The following ZBTB20 variants were observed in gnomAD, a reference collection of about 807,000 sequenced individuals.
ZBTB20 encodes zinc finger and BTB domain-containing protein 20.
ZBTB20 carries 9 observed loss-of-function variants against 56.9 expected under a neutral mutation model. The ratio of observed to expected loss-of-function variants is 0.16; its 90% CI spans 0.10 to 0.28. The LOEUF is 0.28. Ranked by LOEUF, ZBTB20 falls within the 10% of genes least tolerant of loss-of-function variation. The pLI is 1.00. For synonymous variants in ZBTB20, 417 were observed against 420.7 expected (o/e 0.99, Z 0.11); for missense variants, 655 against 1,003.0 (o/e 0.65, Z 4.69).
intron 10 of ZBTB20, among the ~76,000 whole-genome samples, chr3:114,373,822 A>G (rs968449428): frequency 3.3e-5 from 5 of 152,238 alleles, no homozygotes; most frequent in African/African-American, 9.6e-5. Context: ...GAATGAATGA[A>G]TAAGAACGAC....
At chr3:114,895,887 A>G (rs1374816099) in intron 4 of ZBTB20, among the ~76,000 whole-genome samples, 1 of 152,166 alleles carries the variant, frequency 6.6e-6, no homozygotes, top group East Asian at 1.9e-4. Context: ...AACCTCGATG[A>G]GGTCGCACAG....
intron 4 of ZBTB20, among the ~76,000 whole-genome samples, chr3:114,815,411 T>C (rs2072845934): frequency 6.6e-6 from 1 of 152,078 alleles, no homozygotes; most frequent in Non-Finnish European, 1.5e-5. Context: ...ACAGAGACAA[T>C]AAACCACTAC....
chr3:114,392,458 G>C (rs1367087141), intron 7 of ZBTB20, among the ~76,000 whole-genome samples: 1 of 152,020 alleles, frequency 6.6e-6, no homozygotes, highest in Non-Finnish European at 1.5e-5. Flanking sequence ...AATACCACTG[G>C]GGTGATAAAC....
At chr3:114,511,149 G>C (rs2045334596) in intron 6 of ZBTB20, among the ~76,000 whole-genome samples, 1 of 150,978 alleles carries the variant, frequency 6.6e-6, no homozygotes, top group South Asian at 2.1e-4. Flanking sequence ...ATAGTATAGA[G>C]TGGTTTTTGT....
intron 10 of ZBTB20, among the ~76,000 whole-genome samples, chr3:114,353,317 G>T (rs561339934): frequency 3.5e-4 from 54 of 152,244 alleles, no homozygotes; most frequent in Non-Finnish European, 5.4e-4. Context: ...AACTCTTTCC[G>T]CTCTACCTTG....
intron 5 of ZBTB20, among the ~76,000 whole-genome samples, chr3:114,783,943 A>T (rs2070305125): frequency 6.6e-6 from 1 of 152,200 alleles, no homozygotes; most frequent in African/African-American, 2.4e-5. Flanking sequence ...ACCACATAGG[A>T]GTCACAGTGG....
chr3:114,523,050 A>G (rs2046816993), intron 6 of ZBTB20, among the ~76,000 whole-genome samples: 1 of 152,124 alleles, frequency 6.6e-6, no homozygotes, highest in South Asian at 2.1e-4. Context: ...GGGCCCTCTA[A>G]TGTTTACCTG....
chr3:115,098,861 C>A (rs760766857), intron 1 of ZBTB20, among the ~76,000 whole-genome samples: 1 of 152,122 alleles, frequency 6.6e-6, no homozygotes, highest in Non-Finnish European at 1.5e-5. Context: ...TCTGCCACTT[C>A]TGTTAAATAA....
At chr3:115,109,887 A>G (rs1025859880) in intron 1 of ZBTB20, among the ~76,000 whole-genome samples, 1 of 152,242 alleles carries the variant, frequency 6.6e-6, no homozygotes, top group Non-Finnish European at 1.5e-5. Flanking sequence ...GATGAAAGAA[A>G]CATACCATGA....
chr3:114,883,916 C>CTT (rs869141975), intron 4 of ZBTB20, among the ~76,000 whole-genome samples: 7 of 89,772 alleles, frequency 7.8e-5, no homozygotes, highest in African/African-American at 2.8e-4. Context: ...ATGGTGTGTT[C>CTT]TTTTTTTTTT....
intron 4 of ZBTB20, among the ~76,000 whole-genome samples, chr3:114,858,845 A>G (rs2075362214): frequency 6.6e-6 from 1 of 152,166 alleles, no homozygotes; most frequent in Non-Finnish European, 1.5e-5. Flanking sequence ...TTACTGACAT[A>G]TACCAGCCCA....
intron 6 of ZBTB20, among the ~76,000 whole-genome samples, chr3:114,686,143 A>G (rs2062329491): frequency 6.6e-6 from 1 of 152,156 alleles, no homozygotes; most frequent in South Asian, 2.1e-4. Flanking sequence ...TATGCAATTG[A>G]TATGTGCAGC....
intron 10 of ZBTB20, among the ~76,000 whole-genome samples, chr3:114,360,987 A>T (rs2081809397): frequency 6.6e-6 from 1 of 152,190 alleles, no homozygotes; most frequent in Non-Finnish European, 1.5e-5. Context: ...TAGAAGGCAT[A>T]CTTTATAATT....
chr3:114,978,718 G>T (rs1364965133), intron 2 of ZBTB20, among the ~76,000 whole-genome samples: 1 of 151,560 alleles, frequency 6.6e-6, no homozygotes, highest in Non-Finnish European at 1.5e-5. Context: ...GTATGTATGT[G>T]ACTGTAAAAA....
chr3:114,694,501 G>A lies in ZBTB20; in HGVS notation c.-342-926C>T, dbSNP rs1173961122. Among the ~76,000 whole-genome samples, 4 of 151,940 alleles carry A rather than the reference G, an allele frequency of 2.6e-5. No individual in the cohort carries two copies. In the East Asian group the frequency reaches 5.8e-4, roughly 22 times the overall value. ...GCCAAAATGGATTTAGAAAAATCAG[G>A]AATTCGTGTAGCTAAAAGTAATGAA... On this transcript the variant is annotated intron_variant, in intron 5 of 11. Coordinates refer to ENST00000675478, the MANE Select transcript of ZBTB20 (RefSeq NM_001348800.3).
rs142764776 is a variant in ZBTB20, at chr3:114,342,050, A to G, written c.1805-2624T>C. ...AGCTCCTTAAAGGAAGGTGCTCTCT[A>G]TAATTATTAAGGTGCTGTGATGGTG... On this transcript the variant is annotated intron_variant, in intron 11 of 11. Coordinates refer to ENST00000675478, the MANE Select transcript of ZBTB20 (RefSeq NM_001348800.3). 3.4e-4 allele frequency among the ~76,000 whole-genome samples: 52 copies of G among 152,366 alleles called. No homozygotes were observed. In the East Asian group the frequency reaches 9.1e-3, roughly 27 times the overall value.
At chr3:114,533,276 C>T (rs1577343971) in intron 6 of ZBTB20, among the ~76,000 whole-genome samples, 1 of 151,740 alleles carries the variant, frequency 6.6e-6, no homozygotes, top group Admixed American at 6.6e-5. Flanking sequence ...ACTAGAATAA[C>T]CAGTTTAGAG....
chr3:115,023,214 G>A (rs1028849941), intron 2 of ZBTB20, among the ~76,000 whole-genome samples: 3 of 150,990 alleles, frequency 2.0e-5, no homozygotes, highest in African/African-American at 7.3e-5. Flanking sequence ...GGAAGAGGAA[G>A]TAAGTTGTTC....
chr3:114,698,557 G>GA (rs993044842), intron 5 of ZBTB20, among the ~76,000 whole-genome samples: 1 of 152,064 alleles, frequency 6.6e-6, no homozygotes, highest in African/African-American at 2.4e-5. Context: ...TCCTGTACCT[G>GA]AGTGCCCTCC....
Sources: gnomAD v4.1 joint callset for allele counts (sites outside exome capture counted in the v4.1 genomes callset) on GRCh38, gnomAD v4.1.1 for gene constraint, MANE v1.5 for transcripts, NCBI Gene and HGNC (gene_info 2026-07-23, HGNC 2026-07-21) for gene names.